The following FAN1 variants were observed in gnomAD, a reference collection of about 807,000 sequenced individuals.
FAN1 encodes the protein FANCD2 and FANCI associated nuclease 1, also known as fanconi-associated nuclease 1.
A neutral mutation model predicts 104.9 loss-of-function variants in FAN1; 91 were observed. The observed-to-expected ratio is 0.87, with a 90% CI of 0.73 to 1.03. FAN1 has a LOEUF of 1.03. Among genes scored for constraint, FAN1 ranks in the 50% least tolerant of loss-of-function variants. The pLI is 0.00. For missense variants in FAN1, 1,263 were observed against 1,239.9 expected, an observed-to-expected ratio of 1.02 and a Z score of -0.28; for synonymous variants, 478 against 457.6, an observed-to-expected ratio of 1.04 and a Z score of -0.57.
chr15:30,923,428 G>A (rs1368564142), intron 8 of FAN1, among the ~76,000 whole-genome samples: 2 of 152,194 alleles, frequency 1.3e-5, no homozygotes, highest in Non-Finnish European at 2.9e-5. Flanking sequence ...TTCTGCTAGG[G>A]GGTAGACAAG....
intron 13 of FAN1, among the ~76,000 whole-genome samples, chr15:30,933,694 G>A (rs1158449770): frequency 6.6e-6 from 1 of 151,378 alleles, no homozygotes; most frequent in Non-Finnish European, 1.5e-5. Context: ...TTATTTACTT[G>A]TTCTATAAAT....
At chr15:30,926,742 C>T in intron 10 of FAN1, 2 of 985,348 alleles carry the variant, frequency 2.0e-6, no homozygotes, top group South Asian at 4.7e-5. Flanking sequence ...TGGACACTCG[C>T]TGGAGGAGGA....
chr15:30,915,030 A>G (rs1258085117), intron 5 of FAN1, among the ~76,000 whole-genome samples: 1 of 152,244 alleles, frequency 6.6e-6, no homozygotes, highest in Non-Finnish European at 1.5e-5. Context: ...TCTATTCACA[A>G]TAGCCAAGAT....
rs1187599809 is a variant in FAN1, at chr15:30,930,687, A to G, written c.2916+16A>G. 9 of 1,612,282 alleles carry G rather than the reference A, an allele frequency of 5.6e-6. No homozygotes were observed. The highest frequency in any genetic ancestry group is 7.6e-6 in the Non-Finnish European group (9 of 1,179,330). ...TCACTTTAAGGTCAGTTGAGGCAGA[A>G]TGGAAAGTCCTGTTGGTAACCTTAT... On this transcript the variant is annotated intron_variant, in intron 13 of 14. Coordinates refer to ENST00000362065, the MANE Select transcript of FAN1 (RefSeq NM_014967.5).
intron 14 of FAN1, chr15:30,939,234 C>CA: frequency 1.0e-6 from 1 of 985,442 alleles, no homozygotes. Flanking sequence ...CAGTTTCCAT[C>CA]ATAAAATAAC....
At position 30,904,363 on chromosome 15, in the gene FAN1, G is replaced by T. The variant is rs374944658; in HGVS notation, c.-152-149G>T. 458 of 505,798 alleles carry T rather than the reference G, an allele frequency of 9.1e-4. 5 individuals carry two copies. In the South Asian group the frequency reaches 9.6e-3, roughly 11 times the overall value. The allele number at this position is 505,798 out of a possible 1,614,324, so 31.3% of individuals were successfully genotyped here. ...GTAAGGGACACTAAGATCGCGTACA[G>T]AGCTTGTCGGAGGGGCTTGGTCTTC... On this transcript the variant is annotated intron_variant, in intron 1 of 14. Coordinates refer to ENST00000362065, the MANE Select transcript of FAN1 (RefSeq NM_014967.5).
At position 30,928,672 on chromosome 15, in the gene FAN1, T is replaced by C; in HGVS notation, c.2592+16T>C. On this transcript the variant is annotated intron_variant, in intron 11 of 14. Transcript: ENST00000362065. ...CGCCTGTCAGGTACTCCAGTGCCCC[T>C]GCCCCACGAGTAGGTCCTTCTGCAC... The C allele has an allele frequency of 6.2e-7, 1 of 1,613,670 alleles. No homozygotes were observed. Among genetic ancestry groups the C allele is most frequent in the Non-Finnish European group, 8.5e-7 (1 of 1,179,706 alleles).
rs1454736721 is a variant in FAN1 at position 30,929,678 on chromosome 15, CATATA to C, written c.2787+287_2787+291del. Reference sequence around the variant, plus strand: ...ATAATATATGAAATATATAATATATCATATAATATATATAAAATATATATTATATC... The same window carrying C: ...ATAATATATGAAATATATAATATATCATATATATAAAATATATATTATATC... On this transcript the variant is annotated intron_variant, in intron 12 of 14. Coordinates refer to ENST00000362065, the MANE Select transcript of FAN1 (RefSeq NM_014967.5). 5.6e-4 allele frequency among the ~76,000 whole-genome samples: 26 copies of C among 46,794 alleles called. 1 individual carries two copies. The highest frequency in any genetic ancestry group is 2.4e-3 in the East Asian group (5 of 2,068). The allele number at this position is 46,794 out of a possible 152,430, so 30.7% of individuals were successfully genotyped here.
At chr15:30,917,482 ACT>A (rs1340597767) in intron 5 of FAN1, among the ~76,000 whole-genome samples, 2 of 152,134 alleles carry the variant, frequency 1.3e-5, no homozygotes, top group Non-Finnish European at 2.9e-5. Flanking sequence ...CAATTTCTTT[ACT>A]CTTACTTTAC....
chr15:30,943,092 AT>A lies in FAN1; in HGVS notation c.*1531del, dbSNP rs2140990325. The A allele has an allele frequency of 6.5e-7, 1 of 1,529,128 alleles. No homozygotes were observed. The highest frequency in any genetic ancestry group is 1.4e-5 in the African/African-American group (1 of 71,724). 94.7% of individuals were successfully genotyped at this position (1,529,128 alleles called of 1,614,324 possible). A position where few individuals can be genotyped will look rare whatever the true frequency, so the allele number is the denominator to read the frequency against. On this transcript the variant is annotated 3_prime_UTR_variant, in exon 15 of 15. Coordinates refer to ENST00000362065, the MANE Select transcript of FAN1 (RefSeq NM_014967.5). ...AAATTCCTGCAAAATAAATAAATAA[AT>A]ATTTGCAAAACTAAAGATTCTCTCA...
chr15:30,927,237 A>G lies in FAN1; in HGVS notation c.2488+1298A>G, dbSNP rs996084685. 6 of 985,494 alleles carry G rather than the reference A, an allele frequency of 6.1e-6. No homozygotes were observed. In the African/African-American group the frequency reaches 8.7e-5, roughly 14 times the overall value. The allele number at this position is 985,494 out of a possible 1,614,324, so 61.0% of individuals were successfully genotyped here. A position where few individuals can be genotyped will look rare whatever the true frequency, so the allele number is the denominator to read the frequency against. On this transcript the variant is annotated intron_variant, in intron 10 of 14. Coordinates refer to ENST00000362065, the MANE Select transcript of FAN1 (RefSeq NM_014967.5). ...ACAAAACAAACAAAGGAGTTCAGAA[A>G]TGATCTGGCCTTTATATTCCTGCCT...
At chr15:30,925,530 TG>T (rs1566925107) in intron 9 of FAN1, among the ~76,000 whole-genome samples, 1 of 152,182 alleles carries the variant, frequency 6.6e-6, no homozygotes, top group Admixed American at 6.5e-5. Flanking sequence ...ATCTCCTGAA[TG>T]GGGCCTCTCA....
rs1369745122 is a variant in FAN1, at chr15:30,904,439, C to A, written c.-152-73C>A. On this transcript the variant is annotated intron_variant, in intron 1 of 14. Coordinates refer to ENST00000362065, the MANE Select transcript of FAN1 (RefSeq NM_014967.5). The stretch of plus-strand genomic sequence containing the variant: ...CGTTACAGGAGACCTTGCTCTTAAA[C>A]GTTTCAGAGTTCGCTTTTCCCCTTG... 3 of 621,040 alleles carry A rather than the reference C, an allele frequency of 4.8e-6. No individual in the cohort carries two copies. The East Asian group carries it at 8.6e-5, about 18-fold the overall frequency. 38.5% of individuals were successfully genotyped at this position (621,040 alleles called of 1,614,324 possible).
chr15:30,939,467 GT>G, intron 14 of FAN1: 3 of 985,416 alleles, frequency 3.0e-6, no homozygotes, highest in Non-Finnish European at 3.6e-6. Flanking sequence ...GGCTGTCATA[GT>G]TGTTTTTCAT....
chr15:30,926,609 G>T, intron 10 of FAN1: 2 of 985,048 alleles, frequency 2.0e-6, no homozygotes, highest in Non-Finnish European at 2.4e-6. Context: ...TACTTACAGG[G>T]AAGGGTGATG....
At chr15:30,920,898 C>A (rs754469053) in intron 7 of FAN1, among the ~76,000 whole-genome samples, 1 of 152,238 alleles carries the variant, frequency 6.6e-6, no homozygotes. Context: ...ATCCTCTCAC[C>A]TCAGCCTCCT....
intron 4 of FAN1, among the ~76,000 whole-genome samples, chr15:30,912,223 G>C (rs11631543): frequency 0.41 from 62,720 of 152,024 alleles, 14,297 homozygotes; most frequent in East Asian, 0.85. Flanking sequence ...GTCCTTTAAG[G>C]TTGTCCTTTA....
Position 30,942,717 on chromosome 15 carries a change from C to T in FAN1, c.*1155C>T. 1.5e-6 allele frequency: 1 copy of T among 651,780 alleles called. No individual in the cohort carries two copies. 40.4% of individuals were successfully genotyped at this position (651,780 alleles called of 1,614,324 possible). A position where few individuals can be genotyped will look rare whatever the true frequency, so the allele number is the denominator to read the frequency against. On this transcript the variant is annotated 3_prime_UTR_variant, in exon 15 of 15. Transcript: ENST00000362065. ...ACTGAGACTTTGTGGGCCTCAGACA[C>T]CAGGAAGAAAGCTGGGATACAGTCA... is the stretch of plus-strand genomic sequence containing the variant.
chr15:30,940,705 GGCTATGAA>G (rs2140982770), intron 14 of FAN1: 1 of 988,304 alleles, frequency 1.0e-6, no homozygotes, highest in Admixed American at 6.1e-5. Context: ...GGGGACTCCT[GGCTATGAA>G]GCTTAGTATG....
Sources: allele counts gnomAD v4.1 joint callset (sites outside exome capture counted in the v4.1 genomes callset), GRCh38; gene constraint gnomAD v4.1.1; transcripts MANE v1.5; gene names NCBI Gene and HGNC (gene_info 2026-07-23, HGNC 2026-07-21).